Variants in PYHIN1 observed in about 807,000 individuals in gnomAD.
PYHIN1 encodes pyrin and HIN domain-containing protein 1.
In PYHIN1, 32 loss-of-function variants were observed where a neutral mutation model predicts 43.7. That is an observed-to-expected ratio of 0.73 (90% confidence interval 0.55 to 0.98). The LOEUF is 0.98. Among genes scored for constraint, PYHIN1 ranks in the 50% least tolerant of loss-of-function variants. The pLI is 0.00. For missense variants in PYHIN1, 588 were observed against 589.5 expected (o/e 1.00, Z 0.03); for synonymous variants, 205 against 203.1 (o/e 1.01, Z -0.08).
rs1024383419 is a variant in PYHIN1 at position 158,976,980 on chromosome 1, A to T, written c.*285A>T. 1.4e-5 allele frequency: 3 copies of T among 215,982 alleles called. No individual in the cohort carries two copies. The highest frequency in any genetic ancestry group is 7.2e-5 in the African/African-American group (3 of 41,572). The allele number at this position is 215,982 out of a possible 1,614,324, so 13.4% of individuals were successfully genotyped here. Reference sequence around the variant, plus strand: ...ATTTTATTTCATTAGTTTTACTTTTATGCATTTTCTTCATATCATATTTTG... The same window carrying T: ...ATTTTATTTCATTAGTTTTACTTTTTTGCATTTTCTTCATATCATATTTTG... On this transcript the variant is annotated 3_prime_UTR_variant, in exon 9 of 9. Transcript: ENST00000368140.
At position 158,974,031 on chromosome 1, in the gene PYHIN1, A is replaced by T. The variant is rs11590737; in HGVS notation, c.*5+260A>T. On this transcript the variant is annotated intron_variant, in intron 8 of 8. Transcript: ENST00000368140. ...CATTGGTGCAAATATGGTGTATGTGAGGAGGTATCCAGACAAGGAGAGATG... is the reference window on the plus strand; with the variant it reads ...CATTGGTGCAAATATGGTGTATGTGTGGAGGTATCCAGACAAGGAGAGATG... 2.0e-5 allele frequency among the ~76,000 whole-genome samples: 3 copies of T among 152,114 alleles called. No individual in the cohort carries two copies. In the South Asian group the frequency reaches 6.2e-4, roughly 32 times the overall value.
intron 4 of PYHIN1, chr1:158,939,688 A>T: frequency 1.6e-6 from 1 of 643,482 alleles, no homozygotes; most frequent in Non-Finnish European, 2.8e-6. Context: ...CAATATTGAG[A>T]TCTTATCCTC....
intron 8 of PYHIN1, 26 bp downstream of exon 8, chr1:158,973,797 G>C: frequency 1.2e-6 from 2 of 1,611,228 alleles, no homozygotes; most frequent in African/African-American, 1.3e-5. Flanking sequence ...TTGCATTGCT[G>C]TACCTCTAAA....
intron 4 of PYHIN1, among the ~76,000 whole-genome samples, chr1:158,941,709 A>G (rs1015080789): frequency 2.0e-5 from 3 of 152,212 alleles, no homozygotes; most frequent in Admixed American, 1.3e-4. Flanking sequence ...TTGGCTCAGC[A>G]TCCACTTGTC....
Position 158,943,895 on chromosome 1 carries a change from G to A in PYHIN1, c.1108G>A (p.Asp370Asn). The A allele has an allele frequency of 6.2e-7, 1 of 1,610,158 alleles. No homozygotes were observed. The highest frequency in any genetic ancestry group is 1.1e-5 in the South Asian group (1 of 90,698). Residue 370 changes from aspartate (D) to asparagine (N), a missense_variant, in exon 6 of 9, where the codon GAT (aspartate) becomes AAT (asparagine). By Grantham distance (23) the Asp-to-Asn change is conservative (BLOSUM62 1). Transcript: ENST00000368140. Reference sequence around the variant, plus strand: ...CCACAATATCCCCTGTGAAAAAGGAGATAAGCTTCGACTCTTCTGCTTTCG... The same window carrying A: ...CCACAATATCCCCTGTGAAAAAGGAAATAAGCTTCGACTCTTCTGCTTTCG... Reference protein sequence around the residue: ...ECHNIPCEKGDKLRLFCFRLR... With the variant: ...ECHNIPCEKGNKLRLFCFRLR...
At chr1:158,955,156 G>T (rs960160460) in intron 7 of PYHIN1, among the ~76,000 whole-genome samples, 1 of 152,000 alleles carries the variant, frequency 6.6e-6, no homozygotes, top group Non-Finnish European at 1.5e-5. Context: ...AAAAATGGGA[G>T]ACTTTAACAC....
chr1:158,948,543 GATTGCAGTAGTGCAAGA>G (rs1649348742), intron 7 of PYHIN1, among the ~76,000 whole-genome samples: 1 of 152,148 alleles, frequency 6.6e-6, no homozygotes, highest in Non-Finnish European at 1.5e-5. Context: ...AGCCTCGAGG[GATTGCAGTAGTGCAAGA>G]ATCTTTTGAT....
intron 7 of PYHIN1, chr1:158,945,434 T>A (rs1276017067): frequency 6.4e-6 from 1 of 155,632 alleles, no homozygotes; most frequent in Non-Finnish European, 1.4e-5. Context: ...GAAATAAATA[T>A]TCGAAGTATA....
At chr1:158,978,197 A>C (rs1177498750), downstream of PYHIN1, among the ~76,000 whole-genome samples, 1 of 152,092 alleles carries the variant, frequency 6.6e-6, no homozygotes, top group Non-Finnish European at 1.5e-5. Context: ...AGATTCAGAT[A>C]CCATGAATAA....
At chr1:158,973,592 C>G (rs12071136) in intron 7 of PYHIN1, 55 bp from the exon 8 acceptor site, 1 of 1,594,090 alleles carries the variant, frequency 6.3e-7, no homozygotes, top group African/African-American at 1.4e-5. Context: ...GCAGAAAAAA[C>G]CAGTTCTTTC....
intron 7 of PYHIN1, 143 bp from the exon 8 acceptor site, chr1:158,973,504 T>C (rs978734501): frequency 1.2e-5 from 6 of 507,866 alleles, no homozygotes; most frequent in Non-Finnish European, 1.8e-5. Flanking sequence ...AAAAGGGATT[T>C]TCACACACAC....
the PYHIN1 span, among the ~76,000 whole-genome samples, chr1:158,987,071 G>A: frequency 6.6e-6 from 1 of 152,128 alleles, no homozygotes; most frequent in Non-Finnish European, 1.5e-5. Context: ...ACCAACACCT[G>A]TTATCTTTTT....
At chr1:158,937,284 A>G in intron 2 of PYHIN1, 109 bp downstream of exon 2, 1 of 1,222,828 alleles carries the variant, frequency 8.2e-7, no homozygotes, top group Non-Finnish European at 1.1e-6. Context: ...CCAATTTGTG[A>G]CTCACTGGCC....
At chr1:158,944,078 G>A (rs926783520) in intron 6 of PYHIN1, 100 bp downstream of exon 6, 4 of 986,952 alleles carry the variant, frequency 4.1e-6, no homozygotes, top group Admixed American at 2.8e-5. Flanking sequence ...TTAAAATTCT[G>A]CAGAGTTCAT....
At chr1:158,957,671 T>C (rs1468059790) in intron 7 of PYHIN1, among the ~76,000 whole-genome samples, 3 of 141,534 alleles carry the variant, frequency 2.1e-5, no homozygotes, top group African/African-American at 7.9e-5. Flanking sequence ...AACCTAGGCA[T>C]TACCATTCAG....
Position 158,939,074 on chromosome 1 carries a change from T to C in PYHIN1, c.412-6T>C. On this transcript the variant is annotated splice_region_variant and splice_polypyrimidine_tract_variant and intron_variant, in intron 3 of 8. Coordinates refer to ENST00000368140, the MANE Select transcript of PYHIN1 (RefSeq NM_152501.5). ...GTAATTAACAAGAAAAATAAACTAC[T>C]TGTAGAAAAGAAAAAAACCATCTGA... The C allele has an allele frequency of 6.4e-7, 1 of 1,572,880 alleles. No homozygotes were observed. The highest frequency in any genetic ancestry group is 8.6e-7 in the Non-Finnish European group (1 of 1,165,804).
At chr1:158,979,388 A>G (rs1247284628), downstream of PYHIN1, among the ~76,000 whole-genome samples, 1 of 152,080 alleles carries the variant, frequency 6.6e-6, no homozygotes, top group East Asian at 1.9e-4. Context: ...ACATAAGTGG[A>G]CTCATGCAGT....
chr1:158,984,990 G>T, the PYHIN1 span, among the ~76,000 whole-genome samples: 1 of 151,206 alleles, frequency 6.6e-6, no homozygotes, highest in Non-Finnish European at 1.5e-5. Flanking sequence ...GCTCTATTTT[G>T]TTTGTTTTCC....
downstream of PYHIN1, among the ~76,000 whole-genome samples, chr1:158,977,926 G>A (rs1186853553): frequency 2.6e-5 from 4 of 152,072 alleles, no homozygotes; most frequent in Admixed American, 2.0e-4. Flanking sequence ...CTAAGATGGA[G>A]AAAGCTGAAA....
Sources: gnomAD v4.1 joint callset for allele counts (sites outside exome capture counted in the v4.1 genomes callset) on GRCh38, gnomAD v4.1.1 for gene constraint, MANE v1.5 for transcripts, NCBI Gene and HGNC (gene_info 2026-07-23, HGNC 2026-07-21) for gene names.